NUP214: variants seen among roughly 807,000 people sequenced by gnomAD.
NUP214 encodes nuclear pore complex protein Nup214.
A neutral mutation model predicts 196.2 loss-of-function variants in NUP214; 79 were observed. That is an observed-to-expected ratio of 0.40 (90% confidence interval 0.34 to 0.49). The LOEUF is 0.49. NUP214 is among the 20% of genes least tolerant of loss of function. NUP214 has a pLI of 0.58. For missense variants in NUP214, 2,468 were observed against 2,539.0 expected, an observed-to-expected ratio of 0.97 and a Z score of 0.60; for synonymous variants, 1,020 against 990.5, an observed-to-expected ratio of 1.03 and a Z score of -0.56.
chr9:131,230,988 C>T (rs1834860989), intron 34 of NUP214, among the ~76,000 whole-genome samples: 1 of 152,040 alleles, frequency 6.6e-6, no homozygotes, highest in Non-Finnish European at 1.5e-5. Flanking sequence ...TGGCAAGACT[C>T]CATTCTCTAC....
chr9:131,161,841 C>A (rs780954512), intron 18 of NUP214, among the ~76,000 whole-genome samples: 18 of 152,142 alleles, frequency 1.2e-4, no homozygotes, highest in Non-Finnish European at 2.5e-4. Flanking sequence ...GATGACATCA[C>A]CTATTACACA....
chr9:131,207,853 A>G (rs113830998), intron 30 of NUP214, among the ~76,000 whole-genome samples: 6,163 of 152,314 alleles, frequency 0.04, 161 homozygotes, highest in African/African-American at 0.078. Flanking sequence ...GGGTTTGAGC[A>G]GGTAGTAGAG....
At chr9:131,150,196 G>C (rs1054286998) in intron 14 of NUP214, 128 bp from the exon 15 acceptor site, 2 of 750,834 alleles carry the variant, frequency 2.7e-6, no homozygotes, top group Admixed American at 2.3e-5. Flanking sequence ...CTATAAATAA[G>C]GATTCGTTAC....
intron 28 of NUP214, chr9:131,195,683 T>C (rs1008349965): frequency 1.1e-5 from 2 of 176,840 alleles, no homozygotes; most frequent in African/African-American, 4.8e-5. Flanking sequence ...CTCGTTTTTT[T>C]CCTTGATAAC....
chr9:131,128,745 A>C, intron 3 of NUP214: 1 of 371,448 alleles, frequency 2.7e-6, no homozygotes, highest in Non-Finnish European at 4.9e-6. Flanking sequence ...TGAATACATA[A>C]TGTCAAAAGT....
intron 25 of NUP214, among the ~76,000 whole-genome samples, chr9:131,187,761 T>C (rs1466445818): frequency 6.6e-6 from 1 of 152,206 alleles, no homozygotes; most frequent in African/African-American, 2.4e-5. Context: ...GTCTTGACTT[T>C]GTTTAAATGA....
At chr9:131,222,599 A>G in intron 31 of NUP214, 179 bp from the exon 32 acceptor site, 1 of 565,782 alleles carries the variant, frequency 1.8e-6, no homozygotes, top group East Asian at 3.1e-5. Context: ...CTTCCCAGCA[A>G]GGTGCGTGAA....
At chr9:131,222,591 T>C (rs551574038) in intron 31 of NUP214, 187 bp from the exon 32 acceptor site, 6 of 542,970 alleles carry the variant, frequency 1.1e-5, no homozygotes, top group South Asian at 3.7e-5. Flanking sequence ...ATTAAAAACT[T>C]CCCAGCAAGG....
intron 17 of NUP214, among the ~76,000 whole-genome samples, chr9:131,157,237 A>G (rs889478762): frequency 9.9e-5 from 15 of 151,550 alleles, no homozygotes; most frequent in African/African-American, 3.6e-4. Context: ...ATCCTAGCTC[A>G]CTGCAGCCTC....
intron 7 of NUP214, among the ~76,000 whole-genome samples, 171 bp from the exon 8 acceptor site, chr9:131,134,727 A>C (rs1831664416): frequency 1.3e-5 from 2 of 152,196 alleles, no homozygotes; most frequent in Admixed American, 6.5e-5. Flanking sequence ...GTTGATGGCC[A>C]ATGTTTGTAC....
chr9:131,177,977 A>G (rs1833162459), intron 23 of NUP214, among the ~76,000 whole-genome samples: 1 of 152,176 alleles, frequency 6.6e-6, no homozygotes, highest in Non-Finnish European at 1.5e-5. Flanking sequence ...GATGCTGTTA[A>G]TCCTCTAGCT....
chr9:131,221,005 TGA>T (rs1215699671), intron 31 of NUP214, among the ~76,000 whole-genome samples: 3 of 152,258 alleles, frequency 2.0e-5, no homozygotes, highest in African/African-American at 7.2e-5. Context: ...GTTTGCTATT[TGA>T]ATTTTGCATT....
intron 30 of NUP214, among the ~76,000 whole-genome samples, chr9:131,209,327 G>C (rs1834171766): frequency 6.6e-6 from 1 of 152,198 alleles, no homozygotes; most frequent in Non-Finnish European, 1.5e-5. Context: ...GCTGCAGTGA[G>C]CTATGTTCCT....
intron 28 of NUP214, among the ~76,000 whole-genome samples, chr9:131,196,771 G>A (rs964404214): frequency 1.3e-5 from 2 of 152,032 alleles, no homozygotes; most frequent in Admixed American, 1.3e-4. Flanking sequence ...ATTTTCTGTG[G>A]ACTGACACTT....
At chr9:131,233,152 A>AAT (rs962108565) in intron 35 of NUP214, 25 of 161,560 alleles carry the variant, frequency 1.5e-4, no homozygotes, top group African/African-American at 2.9e-4. Flanking sequence ...CTCTACTAAA[A>AAT]ATATATATAT....
At chr9:131,135,803 T>A in intron 8 of NUP214, 137 bp from the exon 9 acceptor site, 1 of 621,332 alleles carries the variant, frequency 1.6e-6, no homozygotes, top group East Asian at 2.7e-5. Flanking sequence ...TCTTCCCACC[T>A]TTGTTCAACC....
At chr9:131,127,223 A>G (rs557846084) in intron 1 of NUP214, 139 of 196,320 alleles carry the variant, frequency 7.1e-4, no homozygotes, top group African/African-American at 2.8e-3. Context: ...TGTCTACTAA[A>G]AATACAAAAA....
chr9:131,178,503 T>C, intron 24 of NUP214, 93 bp downstream of exon 24: 4 of 872,096 alleles, frequency 4.6e-6, no homozygotes, highest in East Asian at 2.6e-5. Context: ...TGTCACAGTC[T>C]GGTTTTCCTG....
Position 131,127,629 on chromosome 9 carries a change from G to A in NUP214, c.151G>A (p.Val51Ile). The change falls in exon 2 of 36, where the codon GTC becomes ATC. Residue 51 changes from valine to isoleucine, a missense_variant. Val to Ile is a conservative substitution (Grantham distance 29). Coordinates refer to ENST00000359428, the MANE Select transcript of NUP214 (RefSeq NM_005085.4). ...TGCTGTGTCCAACAAATATGGTCTG[G>A]TCTTCGCTGGTGGAGCCAGTGGCTT... ...LLAVSNKYGL[V>I]FAGGASGLQI... 1 of 1,614,102 alleles carries A rather than the reference G, an allele frequency of 6.2e-7. No homozygotes were observed. Among genetic ancestry groups the A allele is most frequent in the Non-Finnish European group, 8.5e-7 (1 of 1,179,974 alleles).
Sources: gnomAD v4.1 joint callset for allele counts (sites outside exome capture counted in the v4.1 genomes callset) on GRCh38, gnomAD v4.1.1 for gene constraint, MANE v1.5 for transcripts, NCBI Gene and HGNC (gene_info 2026-07-23, HGNC 2026-07-21) for gene names.